The following FER1L6 variants were observed in gnomAD, a reference collection of about 807,000 sequenced individuals.
FER1L6 encodes the protein fer-1-like protein 6.
Under a neutral mutation model 219.2 loss-of-function variants are expected in FER1L6, and 177 were observed. The ratio of observed to expected loss-of-function variants is 0.81; its 90% CI spans 0.71 to 0.91. The LOEUF (loss-of-function observed/expected upper bound fraction) is 0.91. FER1L6 is among the 40% of genes least tolerant of loss of function. The probability of loss-of-function intolerance (pLI) is 0.00; values close to 1 mark genes in which losing one functional copy is unlikely to be tolerated. For missense variants in FER1L6, 2,153 were observed against 2,259.9 expected (o/e 0.95, Z 0.96); for synonymous variants, 768 against 824.3 (o/e 0.93, Z 1.17).
chr8:123,895,605 T>A (rs189065524), intron 1 of FER1L6, among the ~76,000 whole-genome samples: 3 of 152,298 alleles, frequency 2.0e-5, no homozygotes, highest in East Asian at 3.9e-4. Context: ...GGCATTATAC[T>A]GCCTCTCAAC....
chr8:123,898,793 A>G (rs979495769), intron 1 of FER1L6, among the ~76,000 whole-genome samples: 15 of 142,898 alleles, frequency 1.0e-4, no homozygotes, highest in African/African-American at 3.6e-4. Context: ...ATGTACATAT[A>G]TACATATATA....
At chr8:124,103,379 T>C (rs1822627909) in intron 39 of FER1L6, 70 bp downstream of exon 39, 2 of 1,460,000 alleles carry the variant, frequency 1.4e-6, no homozygotes, top group South Asian at 2.5e-5. Context: ...CACTGAGTCA[T>C]TTTGTGAACT....
At chr8:124,098,133 C>G in intron 37 of FER1L6, among the ~76,000 whole-genome samples, 1 of 152,066 alleles carries the variant, frequency 6.6e-6, no homozygotes. Context: ...CGTTGGATAC[C>G]TAAACTTATT....
chr8:124,090,830 T>C (rs1355306385), intron 33 of FER1L6, among the ~76,000 whole-genome samples: 2 of 152,126 alleles, frequency 1.3e-5, no homozygotes, highest in African/African-American at 2.4e-5. Flanking sequence ...ATATATACTA[T>C]GATTTTGGTG....
chr8:123,904,943 A>G (rs931985819), intron 1 of FER1L6, among the ~76,000 whole-genome samples: 2 of 152,192 alleles, frequency 1.3e-5, no homozygotes, highest in Admixed American at 1.3e-4. Flanking sequence ...GAATATTTAC[A>G]CCATGGAAAT....
chr8:124,105,849 A>G (rs970079410), intron 39 of FER1L6, among the ~76,000 whole-genome samples: 1 of 152,226 alleles, frequency 6.6e-6, no homozygotes, highest in South Asian at 2.1e-4. Flanking sequence ...TGATACGTGC[A>G]ACAACATGGA....
chr8:123,972,062 C>A (rs1349851064), intron 6 of FER1L6, among the ~76,000 whole-genome samples: 2 of 152,218 alleles, frequency 1.3e-5, no homozygotes. Context: ...TTTCTCAGGC[C>A]TTTGGAAAAA....
At chr8:124,067,669 A>G in intron 27 of FER1L6, 98 bp from the exon 28 acceptor site, 1 of 1,067,440 alleles carries the variant, frequency 9.4e-7, no homozygotes, top group Non-Finnish European at 1.4e-6. Flanking sequence ...CTCTTTTAAA[A>G]TAGTGTCTCT....
chr8:123,906,916 T>C (rs1812964919), intron 1 of FER1L6, among the ~76,000 whole-genome samples: 1 of 152,202 alleles, frequency 6.6e-6, no homozygotes, highest in South Asian at 2.1e-4. Context: ...ATATTCGTTC[T>C]TCCCTTAGCA....
rs565105918 is a variant in FER1L6, at chr8:123,868,405, C to T, written c.-8+16220C>T. Among the ~76,000 whole-genome samples the T allele has an allele frequency of 6.8e-4, 104 of 152,118 alleles. 2 individuals are homozygous for T. The highest frequency in any genetic ancestry group is 2.5e-4 in the Non-Finnish European group (17 of 68,022). ...TCATTTCTAGGGCAATGACTCAAAGCGGGCCTCTTGCTAGATGGAGTCAGT... is the reference window on the plus strand; with the variant it reads ...TCATTTCTAGGGCAATGACTCAAAGTGGGCCTCTTGCTAGATGGAGTCAGT... On this transcript the variant is annotated intron_variant, in intron 1 of 40. Transcript: ENST00000522917.
chr8:123,927,290 G>C (rs551827942), intron 1 of FER1L6, among the ~76,000 whole-genome samples: 75 of 152,052 alleles, frequency 4.9e-4, no homozygotes, highest in African/African-American at 1.8e-3. Flanking sequence ...CTCGTGATTT[G>C]GCTGAAGCGA....
intron 1 of FER1L6, among the ~76,000 whole-genome samples, chr8:123,898,765 A>G (rs1195664533): frequency 8.1e-6 from 1 of 123,210 alleles, no homozygotes; most frequent in African/African-American, 2.9e-5. Flanking sequence ...ATACACATAT[A>G]TATGTGTATA....
chr8:123,859,750 T>G (rs1816711994), intron 1 of FER1L6, among the ~76,000 whole-genome samples: 1 of 129,422 alleles, frequency 7.7e-6, no homozygotes, highest in African/African-American at 3.0e-5. Flanking sequence ...CCCCTTCCTG[T>G]GTCCATGTGA....
chr8:124,067,497 G>A (rs988961467), intron 27 of FER1L6, among the ~76,000 whole-genome samples: 25 of 152,202 alleles, frequency 1.6e-4, no homozygotes, highest in African/African-American at 6.0e-4. Flanking sequence ...TCGTGGCTGA[G>A]AGGGTACTGC....
rs143486208 is a variant in FER1L6 at position 124,110,290 on chromosome 8, A to C, written c.5289+6981A>C. 1.5e-3 allele frequency among the ~76,000 whole-genome samples: 233 copies of C among 152,276 alleles called. 1 individual carries two copies. The highest frequency in any genetic ancestry group is 5.3e-3 in the African/African-American group (220 of 41,542). On this transcript the variant is annotated intron_variant, in intron 39 of 40. Transcript: ENST00000522917. ...CCTGAAAAAATATATAATCAATCCCAATTTTATAGAGAAGGAAGCTGAGGC... is the reference window on the plus strand; with the variant it reads ...CCTGAAAAAATATATAATCAATCCCCATTTTATAGAGAAGGAAGCTGAGGC...
intron 15 of FER1L6, among the ~76,000 whole-genome samples, chr8:124,015,607 A>ATATATATATATGTATGTATGTATG (rs71289634): frequency 1.1e-5 from 1 of 88,604 alleles, no homozygotes; most frequent in African/African-American, 4.3e-5. Flanking sequence ...ATATATATAT[A>ATATATATATATGTATGTATGTATG]TATATATATT....
chr8:124,058,003 C>T (rs1820386106), intron 22 of FER1L6, among the ~76,000 whole-genome samples: 1 of 152,146 alleles, frequency 6.6e-6, no homozygotes, highest in East Asian at 1.9e-4. Context: ...ATTGTCTTAT[C>T]TCTGTGCATG....
chr8:124,009,544 G>A (rs1817818152), intron 13 of FER1L6, among the ~76,000 whole-genome samples: 1 of 152,050 alleles, frequency 6.6e-6, no homozygotes, highest in Non-Finnish European at 1.5e-5. Context: ...TGGAGACCCA[G>A]GGAGAAGATG....
At chr8:123,918,436 A>G (rs1813255386) in intron 1 of FER1L6, among the ~76,000 whole-genome samples, 1 of 152,186 alleles carries the variant, frequency 6.6e-6, no homozygotes, top group South Asian at 2.1e-4. Context: ...ATAATTCTAT[A>G]ATTATCATCC....
Sources: gnomAD v4.1 joint callset for allele counts (sites outside exome capture counted in the v4.1 genomes callset) on GRCh38, gnomAD v4.1.1 for gene constraint, MANE v1.5 for transcripts, NCBI Gene and HGNC (gene_info 2026-07-23, HGNC 2026-07-21) for gene names.